The following MASTL variants were observed in gnomAD, a reference collection of about 807,000 sequenced individuals.
MASTL encodes microtubule associated serine/threonine kinase like.
A neutral mutation model predicts 82.5 loss-of-function variants in MASTL; 54 were observed. That is an observed-to-expected ratio of 0.65 (90% CI 0.53 to 0.82). The LOEUF (loss-of-function observed/expected upper bound fraction) is 0.82, where lower values mean the gene tolerates loss of function less well. Among genes scored for constraint, MASTL ranks in the 40% least tolerant of loss-of-function variants. The probability of loss-of-function intolerance (pLI) is 0.00; values close to 1 mark genes in which losing one functional copy is unlikely to be tolerated. For missense variants in MASTL, 950 were observed against 1,047.8 expected (o/e 0.91, Z 1.29); for synonymous variants, 323 against 368.9 (o/e 0.88, Z 1.43).
intron 9 of MASTL, among the ~76,000 whole-genome samples, chr10:27,178,568 G>A (rs1269245042): frequency 6.6e-6 from 1 of 151,832 alleles, no homozygotes; most frequent in East Asian, 1.9e-4. Context: ...TTCTTTTTCT[G>A]TGGCTAATAA....
At chr10:27,178,742 T>A (rs1159852545) in intron 9 of MASTL, among the ~76,000 whole-genome samples, 1 of 151,986 alleles carries the variant, frequency 6.6e-6, no homozygotes, top group African/African-American at 2.4e-5. Context: ...CTAACCTAAG[T>A]AAAATAAGGA....
intron 9 of MASTL, 143 bp downstream of exon 9, chr10:27,173,402 T>A: frequency 1.1e-6 from 1 of 902,698 alleles, no homozygotes; most frequent in South Asian, 1.5e-5. Flanking sequence ...ATGGCATTTG[T>A]CATAGGAAAA....
At chr10:27,185,817 T>C (rs547871942) in intron 11 of MASTL, among the ~76,000 whole-genome samples, 43 of 148,304 alleles carry the variant, frequency 2.9e-4, no homozygotes, top group African/African-American at 1.0e-3. Context: ...GTGCCGGGCA[T>C]GGTGACTCAC....
In MASTL at chr10:27,184,045, T is replaced by G. The variant is rs191905487; in HGVS notation, c.2483-2334T>G. Among the ~76,000 whole-genome samples the G allele has an allele frequency of 2.8e-3, 427 of 152,192 alleles. 2 individuals are homozygous for G. The highest frequency in any genetic ancestry group is 4.7e-3 in the Non-Finnish European group (318 of 67,972). On this transcript the variant is annotated intron_variant, in intron 11 of 11. Transcript: ENST00000375940. ...TTACTCACTGATTTAACCAATCCTA[T>G]AGAGTGCCTTCTAGGAGCTAGGTGA...
In MASTL at chr10:27,170,731, A is replaced by G. The variant is rs1345530255; in HGVS notation, c.1772A>G (p.Asp591Gly). 1 of 1,613,736 alleles carries G rather than the reference A, an allele frequency of 6.2e-7. No homozygotes were observed. Among genetic ancestry groups the G allele is most frequent in the African/African-American group, 1.3e-5 (1 of 74,910 alleles). The change falls in exon 8 of 12, where the codon GAT (aspartate) becomes GGT (glycine). Residue 591 changes from aspartate to glycine, a missense_variant. By Grantham distance (94) the Asp-to-Gly change is moderately conservative. Coordinates refer to ENST00000375940, the MANE Select transcript of MASTL (RefSeq NM_001172303.3). ...TTAGAAAGTCAGCCCTTAGATTCAG[A>G]TAGAAGCATCAAAGAATCCTCTTTT... ...SPLESQPLDS[D>G]RSIKESSFEE...
upstream of MASTL, chr10:27,155,234 C>T (rs1233951654): frequency 9.7e-6 from 6 of 616,808 alleles, no homozygotes; most frequent in East Asian, 8.3e-5. Context: ...GAGTGTAAGG[C>T]TGCGAAGTCG....
chr10:27,172,933 TA>T (rs2057996015), intron 8 of MASTL, among the ~76,000 whole-genome samples, 184 bp from the exon 9 acceptor site: 1 of 152,198 alleles, frequency 6.6e-6, no homozygotes. Context: ...CTTCACCAGA[TA>T]AAAGGACTTT....
rs1299943443 is a variant in MASTL, at chr10:27,186,316, C to G, written c.2483-63C>G. 4 of 1,435,624 alleles carry G rather than the reference C, an allele frequency of 2.8e-6. No homozygotes were observed. The African/African-American group carries it at 5.6e-5, about 20-fold the overall frequency. 88.9% of individuals were successfully genotyped at this position (1,435,624 alleles called of 1,614,324 possible). ...GAGACATTCTCTTTTTATAATAATT[C>G]CTGTAAAGCAGTACTTACTTAGGTA... is the stretch of plus-strand genomic sequence containing the variant. On this transcript the variant is annotated intron_variant, in intron 11 of 11. Coordinates refer to ENST00000375940, the MANE Select transcript of MASTL (RefSeq NM_001172303.3).
chr10:27,182,877 G>A (rs566371719), intron 11 of MASTL, among the ~76,000 whole-genome samples: 4 of 151,638 alleles, frequency 2.6e-5, no homozygotes, highest in Admixed American at 6.6e-5. Flanking sequence ...TGAACTCCTG[G>A]GCTCAAAGGA....
At position 27,187,288 on chromosome 10, in the gene MASTL, A is replaced by G. The variant is rs2058823709; in HGVS notation, c.*752A>G. Among the ~76,000 whole-genome samples, 1 of 152,132 alleles carries G rather than the reference A, an allele frequency of 6.6e-6. No individual in the cohort carries two copies. Among genetic ancestry groups the G allele is most frequent in the Non-Finnish European group, 1.5e-5 (1 of 68,022 alleles). On this transcript the variant is annotated 3_prime_UTR_variant, in exon 12 of 12. Transcript: ENST00000375940. Reference sequence around the variant, plus strand: ...GCACTCCAGCCTGGGCAACAGAACAAGACTCCGTCTCAAAAAAATAAAGGC... The same window carrying G: ...GCACTCCAGCCTGGGCAACAGAACAGGACTCCGTCTCAAAAAAATAAAGGC...
intron 9 of MASTL, among the ~76,000 whole-genome samples, chr10:27,179,640 A>G (rs1320565319): frequency 6.6e-6 from 1 of 152,228 alleles, no homozygotes; most frequent in Non-Finnish European, 1.5e-5. Flanking sequence ...AGTTTTACCT[A>G]TATCTTAAGA....
chr10:27,181,585 T>C lies in MASTL; in HGVS notation c.2482+4T>C, dbSNP rs749841601. On this transcript the variant is annotated splice_donor_region_variant and intron_variant, in intron 11 of 11. Transcript: ENST00000375940. ...ACAAAGAGAGCTGGAATGAAAGGTA[T>C]GGTTTTGTGTTAATACATTGTTTTA... 1 of 1,584,444 alleles carries C rather than the reference T, an allele frequency of 6.3e-7. No individual in the cohort carries two copies.
chr10:27,184,039 A>G (rs532475012), intron 11 of MASTL, among the ~76,000 whole-genome samples: 2 of 152,152 alleles, frequency 1.3e-5, no homozygotes, highest in East Asian at 1.9e-4. Context: ...GATTTAACCA[A>G]TCCTATAGAG....
At chr10:27,183,285 T>C (rs7073841) in intron 11 of MASTL, among the ~76,000 whole-genome samples, 15,595 of 151,988 alleles carry the variant, frequency 0.1, 2,626 homozygotes, top group African/African-American at 0.35. Flanking sequence ...GTTGTTGTTG[T>C]TGTTGTTGTT....
intron 9 of MASTL, chr10:27,177,815 G>A (rs1032583515): frequency 1.0e-6 from 1 of 970,924 alleles, no homozygotes. Context: ...TCTGACTTCC[G>A]GTGAGTGAGC....
rs2058258877 is a variant in MASTL, at chr10:27,180,993, T to G, written c.2307T>G (p.Phe769Leu). 1.9e-6 allele frequency: 3 copies of G among 1,613,796 alleles called. No homozygotes were observed. In the South Asian group the frequency reaches 3.3e-5, roughly 18 times the overall value. ...VDWWALGVCL[F>L]EFLTGIPPFN... ...GGTGGGCACTTGGAGTTTGCTTGTT[T>G]GAATTTCTAACAGGAATTCCCCCTT... The change falls in exon 10 of 12, where the codon TTT becomes TTG. Residue 769 changes from phenylalanine (F) to leucine (L), a missense_variant. By Grantham distance (22) the Phe-to-Leu change is conservative. Transcript: ENST00000375940.
rs532454587 is a variant in MASTL, at chr10:27,163,263, T to C, written c.554-1801T>C. Among the ~76,000 whole-genome samples, 5 of 152,270 alleles carry C rather than the reference T, an allele frequency of 3.3e-5. No homozygotes were observed. The East Asian group carries it at 9.6e-4, about 29-fold the overall frequency. On this transcript the variant is annotated intron_variant, in intron 4 of 11. Coordinates refer to ENST00000375940, the MANE Select transcript of MASTL (RefSeq NM_001172303.3). Reference sequence around the variant, plus strand: ...ATTCCAGTTCATGTGATTATTCATATGATTTGCCACTAGGGATATTTCATA... The same window carrying C: ...ATTCCAGTTCATGTGATTATTCATACGATTTGCCACTAGGGATATTTCATA...
At chr10:27,182,303 T>C (rs1001231791) in intron 11 of MASTL, among the ~76,000 whole-genome samples, 3 of 151,640 alleles carry the variant, frequency 2.0e-5, no homozygotes, top group African/African-American at 4.8e-5. Flanking sequence ...GACTGCTAAA[T>C]TGGTACAAAG....
Position 27,186,731 on chromosome 10 carries a change from A to C in MASTL, c.*195A>C, listed in dbSNP as rs2058778071. 5.1e-6 allele frequency: 3 copies of C among 593,464 alleles called. No homozygotes were observed. Among genetic ancestry groups the C allele is most frequent in the Non-Finnish European group, 6.0e-6 (2 of 334,952 alleles). 36.8% of individuals were successfully genotyped at this position (593,464 alleles called of 1,614,324 possible). The stretch of plus-strand genomic sequence containing the variant: ...TAGTCAGTAATTTATCTTAACCTCA[A>C]AACTGTATATAAATCTTCAAAGCTT... On this transcript the variant is annotated 3_prime_UTR_variant, in exon 12 of 12. Coordinates refer to ENST00000375940, the MANE Select transcript of MASTL (RefSeq NM_001172303.3).
Sources: gnomAD v4.1 joint callset for allele counts (sites outside exome capture counted in the v4.1 genomes callset) on GRCh38, gnomAD v4.1.1 for gene constraint, MANE v1.5 for transcripts, NCBI Gene and HGNC (gene_info 2026-07-23, HGNC 2026-07-21) for gene names.